Variants in TOMM70 observed in about 807,000 individuals in gnomAD.
The protein encoded by TOMM70 is mitochondrial import receptor subunit TOM70.
A neutral mutation model predicts 73.6 loss-of-function variants in TOMM70; 13 were observed. The ratio of observed to expected loss-of-function variants is 0.18; its 90% CI spans 0.11 to 0.28. The LOEUF (loss-of-function observed/expected upper bound fraction) is 0.28. Ranked by LOEUF, TOMM70 falls within the 10% of genes least tolerant of loss-of-function variation. TOMM70 has a pLI of 1.00. For missense variants in TOMM70, 609 were observed against 747.5 expected, an observed-to-expected ratio of 0.81 and a Z score of 2.16; for synonymous variants, 257 against 271.2, an observed-to-expected ratio of 0.95 and a Z score of 0.51.
intron 2 of TOMM70, 150 bp from the exon 3 acceptor site, chr3:100,386,494 G>A (rs1188062349): frequency 2.7e-5 from 25 of 937,964 alleles, no homozygotes; most frequent in Non-Finnish European, 3.8e-5. Flanking sequence ...TATTACAAAA[G>A]CTCATATAAA....
intron 6 of TOMM70, among the ~76,000 whole-genome samples, chr3:100,376,576 C>CA (rs1458448969): frequency 4.7e-5 from 7 of 149,588 alleles, no homozygotes; most frequent in African/African-American, 1.8e-4. Flanking sequence ...GAAGTCTGAT[C>CA]ACGTCCAATC....
intron 1 of TOMM70, among the ~76,000 whole-genome samples, chr3:100,398,707 TCTACAGGGATGACG>T (rs942736083): frequency 4.6e-5 from 7 of 152,342 alleles, no homozygotes; most frequent in African/African-American, 1.7e-4. Context: ...ATCCTCTTAT[TCTACAGGGATGACG>T]CTAAGGTCAA....
intron 4 of TOMM70, among the ~76,000 whole-genome samples, chr3:100,383,995 T>G (rs1196553577): frequency 6.6e-6 from 1 of 152,244 alleles, no homozygotes; most frequent in East Asian, 1.9e-4. Context: ...TTAAACTACC[T>G]GTTAATAATA....
At chr3:100,398,997 T>C (rs1302722326) in intron 1 of TOMM70, among the ~76,000 whole-genome samples, 1 of 152,108 alleles carries the variant, frequency 6.6e-6, no homozygotes, top group East Asian at 1.9e-4. Flanking sequence ...TAAAAATATC[T>C]TCGCCCGGGC....
intron 1 of TOMM70, among the ~76,000 whole-genome samples, chr3:100,390,406 A>C (rs1433458879): frequency 6.6e-6 from 1 of 152,252 alleles, no homozygotes; most frequent in African/African-American, 2.4e-5. Context: ...GTGGTCCCAT[A>C]AGATTATCAT....
chr3:100,387,599 G>GACACAGACACACACACAC (rs796319693), intron 1 of TOMM70, among the ~76,000 whole-genome samples: 1 of 118,188 alleles, frequency 8.5e-6, no homozygotes, highest in East Asian at 2.3e-4. Context: ...CACAGACACA[G>GACACAGACACACACACAC]ACACACACAC....
chr3:100,386,657 T>G, intron 2 of TOMM70, 148 bp downstream of exon 2: 1 of 980,098 alleles, frequency 1.0e-6, no homozygotes, highest in Non-Finnish European at 1.5e-6. Context: ...CTTTAAAAAG[T>G]TTTGCAATTA....
At chr3:100,375,690 T>A (rs998261257) in intron 6 of TOMM70, among the ~76,000 whole-genome samples, 1 of 152,222 alleles carries the variant, frequency 6.6e-6, no homozygotes, top group Non-Finnish European at 1.5e-5. Context: ...CCATAAATAA[T>A]GCTGCTATGA....
At chr3:100,391,014 G>T (rs535011623) in intron 1 of TOMM70, among the ~76,000 whole-genome samples, 1 of 151,874 alleles carries the variant, frequency 6.6e-6, no homozygotes, top group African/African-American at 2.4e-5. Flanking sequence ...GGTGGTGGGC[G>T]CCTGTAGTCC....
intron 4 of TOMM70, among the ~76,000 whole-genome samples, chr3:100,384,143 G>A (rs1272983306): frequency 2.6e-5 from 4 of 152,176 alleles, no homozygotes; most frequent in Non-Finnish European, 2.9e-5. Context: ...ACTCAACTCC[G>A]CTGTTGTATC....
At chr3:100,368,544 T>C (rs1706472677) in intron 10 of TOMM70, among the ~76,000 whole-genome samples, 1 of 152,216 alleles carries the variant, frequency 6.6e-6, no homozygotes, top group African/African-American at 2.4e-5. Flanking sequence ...ATTAAAACCC[T>C]TAACACAGAG....
intron 1 of TOMM70, among the ~76,000 whole-genome samples, chr3:100,399,734 ATTTT>A (rs34524680): frequency 0.01 from 1,295 of 126,052 alleles, 17 homozygotes; most frequent in African/African-American, 0.037. Context: ...AGTCACTCCC[ATTTT>A]TTTTTTTTTT....
At chr3:100,382,471 T>C (rs948866638) in intron 4 of TOMM70, among the ~76,000 whole-genome samples, 16 of 152,322 alleles carry the variant, frequency 1.1e-4, no homozygotes, top group South Asian at 6.2e-4. Flanking sequence ...AAAACCCATA[T>C]TGATCTGTGG....
chr3:100,400,482 C>T, intron 1 of TOMM70, 144 bp downstream of exon 1: 1 of 872,972 alleles, frequency 1.1e-6, no homozygotes, highest in Admixed American at 2.7e-5. Flanking sequence ...CCACTGGCAG[C>T]CAGAAATGAG....
chr3:100,386,092 A>T, intron 3 of TOMM70, 126 bp downstream of exon 3: 1 of 1,021,834 alleles, frequency 9.8e-7, no homozygotes. Context: ...ACACAATCTT[A>T]AGTGCAAAGG....
Position 100,367,203 on chromosome 3 carries a change from ACT to A in TOMM70, c.1673+839_1673+840del, listed in dbSNP as rs1277359184. ...CACTGTACTCCAGCCTGGGCTGGAG[ACT>A]CTGTCTCATAAAAAGAAGAAAAAAA... On this transcript the variant is annotated intron_variant, in intron 11 of 11. Coordinates refer to ENST00000284320, the MANE Select transcript of TOMM70 (RefSeq NM_014820.5). 4.6e-5 allele frequency among the ~76,000 whole-genome samples: 7 copies of A among 151,948 alleles called. No homozygotes were observed. The East Asian group carries it at 1.3e-3, about 29-fold the overall frequency.
At chr3:100,382,490 T>C (rs1462102784) in intron 4 of TOMM70, among the ~76,000 whole-genome samples, 1 of 152,210 alleles carries the variant, frequency 6.6e-6, no homozygotes, top group African/African-American at 2.4e-5. Context: ...GGGCACTCTC[T>C]GGGGAGAGAT....
Position 100,372,591 on chromosome 3 carries a change from TG to T in TOMM70, c.1452+14del. Reference sequence around the variant, plus strand: ...TGTATGCAGTTATTTTTAAAAAACCTGAAAAAACATTTACCTGGGCGTATAG... The same window carrying T: ...TGTATGCAGTTATTTTTAAAAAACCTAAAAAACATTTACCTGGGCGTATAG... On this transcript the variant is annotated intron_variant, in intron 9 of 11. Transcript: ENST00000284320. The T allele has an allele frequency of 5.0e-6, 8 of 1,589,718 alleles. No individual in the cohort carries two copies. The highest frequency in any genetic ancestry group is 6.9e-6 in the Non-Finnish European group (8 of 1,167,470).
rs559145692 is a variant in TOMM70 at position 100,399,812 on chromosome 3, A to T, written c.324+814T>A. On this transcript the variant is annotated intron_variant, in intron 1 of 11. Transcript: ENST00000284320. ...GGGCTGTGTGCAACCAAGCCTGGTG[A>T]GCATTGCTGTGGCCGCTACTCTTGT... Among the ~76,000 whole-genome samples, 3 of 141,508 alleles carry T rather than the reference A, an allele frequency of 2.1e-5. No homozygotes were observed. In the South Asian group the frequency reaches 6.6e-4, roughly 31 times the overall value. The allele number at this position is 141,508 out of a possible 152,430, so 92.8% of individuals were successfully genotyped here.
Sources: gnomAD v4.1 joint callset for allele counts (sites outside exome capture counted in the v4.1 genomes callset) on GRCh38, gnomAD v4.1.1 for gene constraint, MANE v1.5 for transcripts, NCBI Gene and HGNC (gene_info 2026-07-23, HGNC 2026-07-21) for gene names.